Variants in KIAA1671 observed in about 807,000 individuals in gnomAD.
KIAA1671 encodes uncharacterized protein KIAA1671.
In KIAA1671, 52 loss-of-function variants were observed where a neutral mutation model predicts 131.2. The observed-to-expected ratio is 0.40, with a 90% CI of 0.32 to 0.50. The LOEUF (loss-of-function observed/expected upper bound fraction) is 0.50. Among genes scored for constraint, KIAA1671 ranks in the 20% least tolerant of loss-of-function variants. KIAA1671 has a pLI of 0.73. For synonymous variants in KIAA1671, 1,003 were observed against 961.6 expected, an observed-to-expected ratio of 1.04 and a Z score of -0.80; for missense variants, 2,360 against 2,364.2, an observed-to-expected ratio of 1.00 and a Z score of 0.04.
At position 25,179,402 on chromosome 22, in the gene KIAA1671, C is replaced by G. The variant is rs1228946976; in HGVS notation, c.5074+1880C>G. ...GCCGCTCGCGCAGTGCGGCCAGGTG[C>G]GCCTCGCGGATCTCCTTGCTGAGCT... On this transcript the variant is annotated intron_variant, in intron 9 of 12. Transcript: ENST00000358431. 2.5e-6 allele frequency: 4 copies of G among 1,610,906 alleles called. No individual in the cohort carries two copies. The East Asian group carries it at 8.9e-5, about 36-fold the overall frequency.
At chr22:25,079,611 G>A (rs1194874605) in intron 6 of KIAA1671, among the ~76,000 whole-genome samples, 1 of 152,184 alleles carries the variant, frequency 6.6e-6, no homozygotes, top group African/African-American at 2.4e-5. Context: ...GGGGGAAACA[G>A]GAATAGTCAG....
chr22:25,090,039 T>A (rs765617524), intron 6 of KIAA1671, among the ~76,000 whole-genome samples: 19 of 152,310 alleles, frequency 1.2e-4, no homozygotes, highest in Middle Eastern at 3.4e-3. Context: ...GCTGTCTGCC[T>A]CCTGGCTCCT....
In KIAA1671 at chr22:24,963,511, G is replaced by T. The variant is rs143072873; in HGVS notation, c.-208+10739G>T. 4.1e-3 allele frequency among the ~76,000 whole-genome samples: 625 copies of T among 152,138 alleles called. 3 individuals are homozygous for T. Among genetic ancestry groups the T allele is most frequent in the African/African-American group, 0.014 (576 of 41,488 alleles). ...CTGGGGTTGCTTCCTGTGTGACCCTGGGCAGCTGGCTCCACTTCTCTTAGC... is the reference window on the plus strand; with the variant it reads ...CTGGGGTTGCTTCCTGTGTGACCCTTGGCAGCTGGCTCCACTTCTCTTAGC... On this transcript the variant is annotated intron_variant, in intron 1 of 12. Coordinates refer to ENST00000358431, the MANE Select transcript of KIAA1671 (RefSeq NM_001145206.2).
At chr22:24,973,389 GTT>G (rs57519039) in intron 1 of KIAA1671, among the ~76,000 whole-genome samples, 1 of 71,648 alleles carries the variant, frequency 1.4e-5, no homozygotes, top group African/African-American at 5.6e-5. Flanking sequence ...GCATATGATG[GTT>G]TTTTTTTTTT....
chr22:25,049,469 G>A lies in KIAA1671; in HGVS notation c.4530+105G>A, dbSNP rs73879191. The A allele has an allele frequency of 0.019, 24,456 of 1,302,564 alleles. 3,423 individuals carry two copies. In the African/African-American group the frequency reaches 0.31, roughly 17 times the overall value. The allele number at this position is 1,302,564 out of a possible 1,614,324, so 80.7% of individuals were successfully genotyped here. ...CATCTGGACAGCCCAGGGCCCTGAC[G>A]GGGTTGAGGGCAGCAGGCAACTGTC... On this transcript the variant is annotated intron_variant, in intron 6 of 12. Coordinates refer to ENST00000358431, the MANE Select transcript of KIAA1671 (RefSeq NM_001145206.2).
chr22:24,954,673 C>A (rs1300056979), intron 1 of KIAA1671, among the ~76,000 whole-genome samples: 1 of 152,170 alleles, frequency 6.6e-6, no homozygotes, highest in Non-Finnish European at 1.5e-5. Flanking sequence ...AGTACTGATT[C>A]TTGATGTTGG....
intron 6 of KIAA1671, chr22:25,058,209 T>G (rs1257790186): frequency 2.6e-5 from 4 of 152,144 alleles, no homozygotes; most frequent in African/African-American, 9.7e-5. Flanking sequence ...TAGACTTGAC[T>G]TTTTAGAACA....
chr22:25,068,014 C>T (rs565791690), intron 6 of KIAA1671, among the ~76,000 whole-genome samples: 190 of 152,390 alleles, frequency 1.2e-3, no homozygotes, highest in Non-Finnish European at 2.1e-3. Context: ...TGCAGAGGAA[C>T]CAGCCCTTTT....
intron 1 of KIAA1671, among the ~76,000 whole-genome samples, chr22:25,001,136 A>G (rs1184733063): frequency 6.6e-6 from 1 of 150,758 alleles, no homozygotes; most frequent in African/African-American, 2.5e-5. Flanking sequence ...TATTCTGAAT[A>G]GAGTGCTTTG....
chr22:24,991,377 C>T (rs533116241), intron 1 of KIAA1671, among the ~76,000 whole-genome samples: 170 of 151,556 alleles, frequency 1.1e-3, no homozygotes, highest in African/African-American at 3.9e-3. Flanking sequence ...TCCAGCAGGG[C>T]AGATCAGCTT....
chr22:25,034,895 G>A (rs1026611510), intron 4 of KIAA1671, among the ~76,000 whole-genome samples: 5 of 149,154 alleles, frequency 3.4e-5, no homozygotes, highest in African/African-American at 1.2e-4. Context: ...CCGCCACCAC[G>A]CCTGGCTAAT....
Position 25,041,049 on chromosome 22 carries a change from A to T in KIAA1671, c.3919A>T (p.Arg1307Trp), listed in dbSNP as rs1326599672. Residue 1307 changes from arginine (R) to tryptophan (W), a missense_variant, in exon 5 of 13, where the codon AGG (arginine) becomes TGG (tryptophan). Around this residue, in one of 3 missense-constraint regions of KIAA1671, gnomAD observed 1,161 missense variants for 1,204.7 expected, o/e 0.96. Transcript: ENST00000358431. The part of the protein sequence containing the change: ...WALPPSAPSE[R>W]YPGGSPIPAD... ...TCTGCCACCCTCGGCTCCTTCTGAA[A>T]GGTATCCAGGGGGCTCTCCTATACC... 1.3e-6 allele frequency: 2 copies of T among 1,510,122 alleles called. No homozygotes were observed. Among genetic ancestry groups the T allele is most frequent in the African/African-American group, 2.8e-5 (2 of 71,490 alleles). 93.5% of individuals were successfully genotyped at this position (1,510,122 alleles called of 1,614,324 possible). A position where few individuals can be genotyped will look rare whatever the true frequency, so the allele number is the denominator to read the frequency against.
intron 6 of KIAA1671, among the ~76,000 whole-genome samples, chr22:25,067,998 C>T (rs900144371): frequency 3.3e-5 from 5 of 152,382 alleles, no homozygotes; most frequent in South Asian, 2.1e-4. Flanking sequence ...CCAGCGGTGC[C>T]GCCAGTGCAG....
At chr22:25,077,381 A>T (rs1425664146) in intron 6 of KIAA1671, among the ~76,000 whole-genome samples, 1 of 152,200 alleles carries the variant, frequency 6.6e-6, no homozygotes, top group Non-Finnish European at 1.5e-5. Context: ...TAGAGTGGGC[A>T]TTTAATATGG....
In KIAA1671 at chr22:25,029,062, AAGG is replaced by A. The variant is rs1313158209; in HGVS notation, c.1066_1068del (p.Glu356del). On this transcript the variant is annotated inframe_deletion, in exon 3 of 13. Coordinates refer to ENST00000358431, the MANE Select transcript of KIAA1671 (RefSeq NM_001145206.2). ...GGTGGCCAAGAAAATCCGTGAACGG[AAGG>A]AGAAGATGCTTTCGAAGCCGGAGAT... The A allele has an allele frequency of 1.6e-5, 24 of 1,504,606 alleles. No individual in the cohort carries two copies. Among genetic ancestry groups the A allele is most frequent in the Non-Finnish European group, 2.1e-5 (24 of 1,125,432 alleles). The allele number at this position is 1,504,606 out of a possible 1,614,324, so 93.2% of individuals were successfully genotyped here.
chr22:25,191,462 G>C (rs1428183869), intron 12 of KIAA1671, among the ~76,000 whole-genome samples: 2 of 152,102 alleles, frequency 1.3e-5, no homozygotes, highest in Non-Finnish European at 2.9e-5. Context: ...GGCCAGAAAT[G>C]GTTACAGTTT....
At chr22:25,121,859 C>A (rs140593734) in intron 6 of KIAA1671, among the ~76,000 whole-genome samples, 1 of 152,122 alleles carries the variant, frequency 6.6e-6, no homozygotes, top group African/African-American at 2.4e-5. Flanking sequence ...AAGTTTAGAT[C>A]GTTTAATCTT....
intron 6 of KIAA1671, among the ~76,000 whole-genome samples, chr22:25,074,546 T>C (rs1675108558): frequency 6.8e-6 from 1 of 148,030 alleles, no homozygotes; most frequent in Admixed American, 6.7e-5. Context: ...CATATATATA[T>C]GTATATGTGT....
chr22:25,150,057 G>A (rs2145975526), intron 6 of KIAA1671, among the ~76,000 whole-genome samples: 1 of 152,314 alleles, frequency 6.6e-6, no homozygotes, highest in East Asian at 1.9e-4. Context: ...CTTCTCCAGG[G>A]CAGCTGTCTG....
Sources: gnomAD v4.1 joint callset for allele counts (sites outside exome capture counted in the v4.1 genomes callset) on GRCh38, gnomAD v4.1.1 for gene constraint, gnomAD v4.1.1 regional missense constraint, MANE v1.5 for transcripts, NCBI Gene and HGNC (gene_info 2026-07-23, HGNC 2026-07-21) for gene names.